SPMIP2: variants seen among roughly 807,000 people sequenced by gnomAD.
SPMIP2 encodes sperm microtubule inner protein 2, also known as protein SPMIP2.
At chr4:158,926,480 AATT>A in the SPMIP2 span, among the ~76,000 whole-genome samples, 1 of 151,976 alleles carries the variant, frequency 6.6e-6, no homozygotes, top group South Asian at 2.1e-4. Flanking sequence ...ACAAATTTTT[AATT>A]ATTGATTTTA....
chr4:159,035,099 C>T, the SPMIP2 span: 1 of 1,611,988 alleles, frequency 6.2e-7, no homozygotes, highest in Non-Finnish European at 8.5e-7. Context: ...GATGCCATGG[C>T]TAAAGTCTTA....
chr4:159,030,926 T>C, the SPMIP2 span, among the ~76,000 whole-genome samples: 1 of 152,236 alleles, frequency 6.6e-6, no homozygotes, highest in African/African-American at 2.4e-5. Flanking sequence ...TGGTTTTTTT[T>C]ACATTATTGA....
chr4:158,975,938 A>T, the SPMIP2 span, among the ~76,000 whole-genome samples: 1 of 152,150 alleles, frequency 6.6e-6, no homozygotes, highest in Admixed American at 6.5e-5. Context: ...TGAGCACGGA[A>T]TGTTTTTCCA....
the SPMIP2 span, among the ~76,000 whole-genome samples, chr4:159,016,011 T>C: frequency 2.6e-5 from 4 of 152,198 alleles, no homozygotes; most frequent in African/African-American, 9.7e-5. Flanking sequence ...GAGAAGGGTG[T>C]GGTCAGTCTG....
At chr4:158,915,227 T>C in the SPMIP2 span, 1 of 1,613,744 alleles carries the variant, frequency 6.2e-7, no homozygotes, top group South Asian at 1.1e-5. Flanking sequence ...TTGGCAATGA[T>C]GACTTACACT....
the SPMIP2 span, among the ~76,000 whole-genome samples, chr4:159,013,712 G>A: frequency 6.6e-6 from 1 of 151,564 alleles, no homozygotes; most frequent in Admixed American, 6.6e-5. Context: ...CATATGAATT[G>A]GGGGGTGGGG....
At chr4:158,976,206 C>G in the SPMIP2 span, among the ~76,000 whole-genome samples, 2 of 152,180 alleles carry the variant, frequency 1.3e-5, no homozygotes, top group African/African-American at 4.8e-5. Context: ...ATGGGGTTTT[C>G]TAATTATATA....
the SPMIP2 span, among the ~76,000 whole-genome samples, chr4:159,073,137 ATTTTCT>A: frequency 1.3e-5 from 2 of 151,882 alleles, no homozygotes; most frequent in Non-Finnish European, 2.9e-5. Context: ...GGAAGAATAC[ATTTTCT>A]TTTTCTTTTT....
At chr4:158,913,780 C>T in the SPMIP2 span, among the ~76,000 whole-genome samples, 2 of 151,016 alleles carry the variant, frequency 1.3e-5, no homozygotes, top group Non-Finnish European at 2.9e-5. Flanking sequence ...CTGCGGTGCA[C>T]TATGGTTGTG....
At chr4:158,928,792 T>C in the SPMIP2 span, among the ~76,000 whole-genome samples, 2 of 152,234 alleles carry the variant, frequency 1.3e-5, no homozygotes, top group African/African-American at 4.8e-5. Context: ...GCTTCACTCC[T>C]GAAGCCAGCG....
At chr4:158,964,103 C>G in the SPMIP2 span, among the ~76,000 whole-genome samples, 1 of 151,094 alleles carries the variant, frequency 6.6e-6, no homozygotes, top group Non-Finnish European at 1.5e-5. Flanking sequence ...TGCAGTGAGC[C>G]GAGATTGAGC....
chr4:158,897,237 A>G, the SPMIP2 span, among the ~76,000 whole-genome samples: 1 of 152,134 alleles, frequency 6.6e-6, no homozygotes, highest in African/African-American at 2.4e-5. Context: ...TATCCAGTCT[A>G]TCATTGATGG....
At chr4:158,895,924 C>A in the SPMIP2 span, 1 of 1,271,798 alleles carries the variant, frequency 7.9e-7, no homozygotes, top group South Asian at 1.3e-5. Flanking sequence ...GCATTGTACC[C>A]ACTAACGTGT....
At chr4:158,961,888 TA>T in the SPMIP2 span, among the ~76,000 whole-genome samples, 3 of 151,996 alleles carry the variant, frequency 2.0e-5, no homozygotes, top group Admixed American at 6.5e-5. Flanking sequence ...TCAGATAAAT[TA>T]TTTTTTTTTT....
the SPMIP2 span, among the ~76,000 whole-genome samples, chr4:158,994,178 CT>C: frequency 6.6e-6 from 1 of 152,168 alleles, no homozygotes; most frequent in Non-Finnish European, 1.5e-5. Flanking sequence ...TCTTATTTAT[CT>C]CTGTTAATTC....
chr4:158,901,286 C>A, the SPMIP2 span, among the ~76,000 whole-genome samples: 13 of 151,916 alleles, frequency 8.6e-5, no homozygotes, highest in African/African-American at 3.1e-4. Context: ...GCGTGTGCCA[C>A]GAAAATTCTT....
At chr4:159,002,387 G>T in the SPMIP2 span, among the ~76,000 whole-genome samples, 3 of 152,012 alleles carry the variant, frequency 2.0e-5, no homozygotes, top group East Asian at 5.8e-4. Context: ...ATTCTTTAAT[G>T]GATCATACCA....
chr4:158,904,320 CATCT>C, the SPMIP2 span: 1 of 659,716 alleles, frequency 1.5e-6, no homozygotes, highest in Non-Finnish European at 2.6e-6. Context: ...ATTATCCTTC[CATCT>C]GTTTTGCTTT....
the SPMIP2 span, among the ~76,000 whole-genome samples, chr4:158,983,182 T>G: frequency 6.6e-6 from 1 of 152,174 alleles, no homozygotes; most frequent in South Asian, 2.1e-4. Context: ...AATCTATGTC[T>G]GATTGGTGTA....
Sources: gnomAD v4.1 joint callset for allele counts (sites outside exome capture counted in the v4.1 genomes callset) on GRCh38, gnomAD v4.1.1 for gene constraint, MANE v1.5 for transcripts, NCBI Gene and HGNC (gene_info 2026-07-23, HGNC 2026-07-21) for gene names.